The following TJP1 variants were observed in gnomAD, a reference collection of about 807,000 sequenced individuals.
TJP1 encodes tight junction protein ZO-1.
Under a neutral mutation model 194.2 loss-of-function variants are expected in TJP1, and 43 were observed. The ratio of observed to expected loss-of-function variants is 0.22; its 90% CI spans 0.17 to 0.29. The LOEUF is 0.29. Among genes scored for constraint, TJP1 ranks in the 10% least tolerant of loss-of-function variants. The probability of loss-of-function intolerance (pLI) is 1.00; values close to 1 mark genes in which losing one functional copy is unlikely to be tolerated. For synonymous variants in TJP1, 801 were observed against 779.0 expected (o/e 1.03, Z -0.47); for missense variants, 1,971 against 2,185.7 (o/e 0.90, Z 1.96).
chr15:29,748,531 A>C (rs2044966888), intron 8 of TJP1, among the ~76,000 whole-genome samples: 1 of 150,938 alleles, frequency 6.6e-6, no homozygotes, highest in South Asian at 2.1e-4. Flanking sequence ...AGGTTGTGAT[A>C]ATGAATCACA....
At chr15:29,783,342 C>CA (rs779746407) in intron 2 of TJP1, among the ~76,000 whole-genome samples, 346 of 150,104 alleles carry the variant, frequency 2.3e-3, no homozygotes, top group African/African-American at 6.2e-3. Context: ...TAAAAAAAGT[C>CA]AAAAAAAAAT....
intron 2 of TJP1, among the ~76,000 whole-genome samples, chr15:29,849,792 C>T (rs2051570549): frequency 6.6e-6 from 1 of 151,636 alleles, no homozygotes; most frequent in Admixed American, 6.6e-5. Flanking sequence ...CCAGGCTGGT[C>T]TTGAATTCCT....
At chr15:29,750,547 A>G (rs1408417960) in intron 8 of TJP1, among the ~76,000 whole-genome samples, 1 of 152,120 alleles carries the variant, frequency 6.6e-6, no homozygotes, top group Non-Finnish European at 1.5e-5. Flanking sequence ...TGTTCATGGA[A>G]ACTGTGCTTT....
At chr15:29,895,589 A>G (rs2053452464) in intron 2 of TJP1, among the ~76,000 whole-genome samples, 1 of 152,178 alleles carries the variant, frequency 6.6e-6, no homozygotes, top group Non-Finnish European at 1.5e-5. Context: ...CCGTAAGAAG[A>G]TGGAGGCTTT....
intron 1 of TJP1, among the ~76,000 whole-genome samples, chr15:29,819,710 A>G (rs1332033502): frequency 6.6e-6 from 1 of 152,198 alleles, no homozygotes; most frequent in African/African-American, 2.4e-5. Context: ...AAAATTAGTA[A>G]ATTCTACAAC....
At position 29,822,462 on chromosome 15, in the gene TJP1, C is replaced by T. The variant is rs887688854; in HGVS notation, c.-434G>A. The T allele has an allele frequency of 2.7e-3, 2,664 of 985,938 alleles. 4 individuals carry two copies. Among genetic ancestry groups the T allele is most frequent in the Non-Finnish European group, 3.0e-3 (2,521 of 830,426 alleles). 61.1% of individuals were successfully genotyped at this position (985,938 alleles called of 1,614,324 possible). Reference sequence around the variant, plus strand: ...GGCTCAGCCGGCGCCGGCAACTCAGCGGCCACGCAAACCTGCCGGCCCGGC... The same window carrying T: ...GGCTCAGCCGGCGCCGGCAACTCAGTGGCCACGCAAACCTGCCGGCCCGGC... On this transcript the variant is annotated 5_prime_UTR_variant, in exon 1 of 28. Transcript: ENST00000614355.
chr15:29,905,352 T>G (rs1018980937), intron 2 of TJP1, among the ~76,000 whole-genome samples: 2 of 152,152 alleles, frequency 1.3e-5, no homozygotes, highest in Non-Finnish European at 2.9e-5. Flanking sequence ...CTCACAGGGT[T>G]AAAACTGGAA....
intron 27 of TJP1, among the ~76,000 whole-genome samples, chr15:29,702,539 A>G (rs1024265388): frequency 2.0e-5 from 3 of 152,146 alleles, no homozygotes; most frequent in African/African-American, 7.2e-5. Context: ...ACATCTGGAG[A>G]CAGTTTTGCT....
At chr15:29,851,355 A>G (rs940602517) in intron 2 of TJP1, among the ~76,000 whole-genome samples, 1 of 152,120 alleles carries the variant, frequency 6.6e-6, no homozygotes, top group African/African-American at 2.4e-5. Context: ...GCAATTTTAT[A>G]CTCTGAAATT....
At chr15:29,755,073 G>T (rs1177582499) in intron 8 of TJP1, among the ~76,000 whole-genome samples, 2 of 152,170 alleles carry the variant, frequency 1.3e-5, no homozygotes, top group Non-Finnish European at 2.9e-5. Flanking sequence ...GGTCCCTGAA[G>T]ATTAAAATAC....
chr15:29,761,984 T>A (rs2046036214), intron 6 of TJP1, among the ~76,000 whole-genome samples: 1 of 152,146 alleles, frequency 6.6e-6, no homozygotes, highest in African/African-American at 2.4e-5. Flanking sequence ...TAGCATCCCC[T>A]AACTCCTTCT....
intron 24 of TJP1, among the ~76,000 whole-genome samples, chr15:29,710,491 A>G (rs2042174133): frequency 6.6e-6 from 1 of 152,214 alleles, no homozygotes; most frequent in Non-Finnish European, 1.5e-5. Context: ...TATGGGATAC[A>G]TTTTATATGA....
At chr15:29,809,409 CCTGTTTCTCAACCAATAAAG>C (rs2049331797) in intron 1 of TJP1, among the ~76,000 whole-genome samples, 1 of 152,140 alleles carries the variant, frequency 6.6e-6, no homozygotes, top group Non-Finnish European at 1.5e-5. Flanking sequence ...TACAAATAAT[CCTGTTTCTCAACCAATAAAG>C]CTGCAAGGGA....
intron 2 of TJP1, among the ~76,000 whole-genome samples, chr15:29,933,815 T>C (rs1004562076): frequency 1.3e-5 from 2 of 152,194 alleles, no homozygotes; most frequent in East Asian, 3.9e-4. Flanking sequence ...AGGGAGAGGA[T>C]GGACTTTAAA....
intron 2 of TJP1, among the ~76,000 whole-genome samples, chr15:29,917,153 A>C (rs2054213623): frequency 6.6e-6 from 1 of 152,308 alleles, no homozygotes. Flanking sequence ...AAAGGATACG[A>C]CCTTGAAGGT....
chr15:29,706,612 T>G (rs1206077880), intron 25 of TJP1, among the ~76,000 whole-genome samples: 20 of 152,152 alleles, frequency 1.3e-4, no homozygotes, highest in Non-Finnish European at 7.4e-5. Flanking sequence ...TCCATGAAAT[T>G]GGAACTTTAA....
chr15:29,734,187 G>A (rs1453876173), intron 12 of TJP1, 87 bp downstream of exon 12: 6 of 888,994 alleles, frequency 6.7e-6, no homozygotes, highest in Non-Finnish European at 1.0e-5. Context: ...AACTATGAGT[G>A]ACTTATTTTT....
chr15:29,780,881 A>G (rs996182281), intron 2 of TJP1, among the ~76,000 whole-genome samples: 2 of 152,166 alleles, frequency 1.3e-5, no homozygotes, highest in East Asian at 3.9e-4. Flanking sequence ...TCAACAATAC[A>G]TACGACATTA....
intron 3 of TJP1, 109 bp from the exon 4 acceptor site, chr15:29,772,275 A>C: frequency 3.2e-6 from 2 of 618,138 alleles, no homozygotes; most frequent in Non-Finnish European, 5.5e-6. Flanking sequence ...TTATGAGCCA[A>C]TTAATTAATT....
Sources: allele counts gnomAD v4.1 joint callset (sites outside exome capture counted in the v4.1 genomes callset), GRCh38; gene constraint gnomAD v4.1.1; transcripts MANE v1.5; gene names NCBI Gene and HGNC (gene_info 2026-07-23, HGNC 2026-07-21).